The following GRIK1 variants were observed in gnomAD, a reference collection of about 807,000 sequenced individuals.
GRIK1 encodes the protein glutamate receptor ionotropic, kainate 1.
A neutral mutation model predicts 105.7 loss-of-function variants in GRIK1; 69 were observed. The observed-to-expected ratio is 0.65, with a 90% confidence interval of 0.54 to 0.80. The LOEUF is 0.80. GRIK1 is among the 30% of genes least tolerant of loss of function. The probability of loss-of-function intolerance (pLI) is 0.00; values close to 1 mark genes in which losing one functional copy is unlikely to be tolerated. For missense variants in GRIK1, 1,109 were observed against 1,167.3 expected (o/e 0.95, Z 0.73); for synonymous variants, 438 against 431.3 (o/e 1.02, Z -0.19).
chr21:29,737,300 G>A (rs549454915), intron 1 of GRIK1, among the ~76,000 whole-genome samples: 14 of 152,242 alleles, frequency 9.2e-5, no homozygotes, highest in African/African-American at 3.1e-4. Context: ...AGAGGATGGG[G>A]GAAGTTGTAG....
In GRIK1 at chr21:29,626,973, TTAC is replaced by T. The variant is rs1267487496; in HGVS notation, c.1098+15850_1098+15852del. ...GTTGTAAGAGGGCCTATTCCAACAC[TTAC>T]TACACAAATTCAAAGGGTAAAAAAT... On this transcript the variant is annotated intron_variant, in intron 7 of 17. Coordinates refer to ENST00000327783, the MANE Select transcript of GRIK1 (RefSeq NM_001330994.2). Among the ~76,000 whole-genome samples the T allele has an allele frequency of 8.5e-5, 13 of 152,146 alleles. 1 individual carries two copies. Among genetic ancestry groups the T allele is most frequent in the African/African-American group, 3.1e-4 (13 of 41,426 alleles).
chr21:29,854,903 A>G (rs2068418289), intron 1 of GRIK1, among the ~76,000 whole-genome samples: 1 of 152,192 alleles, frequency 6.6e-6, no homozygotes, highest in Non-Finnish European at 1.5e-5. Context: ...TGAAGTTGCG[A>G]ATGGTTTAGT....
chr21:29,617,981 T>C (rs1315200674), intron 7 of GRIK1, among the ~76,000 whole-genome samples: 2 of 152,244 alleles, frequency 1.3e-5, no homozygotes, highest in Non-Finnish European at 2.9e-5. Flanking sequence ...CTACTTATTC[T>C]CATTAATCTC....
At chr21:29,826,138 G>A (rs781601226) in intron 1 of GRIK1, among the ~76,000 whole-genome samples, 2 of 152,058 alleles carry the variant, frequency 1.3e-5, no homozygotes, top group African/African-American at 2.4e-5. Context: ...CCTGGGTGAC[G>A]ATCTGTATAT....
At position 29,939,396 on chromosome 21, in the gene GRIK1, T is replaced by A. The variant is rs765056189; in HGVS notation, c.105A>T (p.Gln35His). The A allele has an allele frequency of 1.9e-5, 30 of 1,544,190 alleles. No homozygotes were observed. The highest frequency in any genetic ancestry group is 2.5e-5 in the Non-Finnish European group (29 of 1,138,022). ...LCYILPQTAP[Q>H]VLRIGGIFET... ...GGGCTCACTCACCGATCCTGAGTACTTGCGGGGCGGTCTGAGGGAGGATAT... is the reference window on the plus strand; with the variant it reads ...GGGCTCACTCACCGATCCTGAGTACATGCGGGGCGGTCTGAGGGAGGATAT... Residue 35 changes from glutamine (Q) to histidine (H), a missense_variant, in exon 1 of 18, where the codon CAA (glutamine) becomes CAT (histidine). Physicochemically the swap from Gln to His is conservative, Grantham distance 24. This residue lies in a region of GRIK1 where 612 missense variants were observed against 586.0 expected (regional missense o/e 1.04). Transcript: ENST00000327783.
At chr21:29,609,777 G>A (rs1447371539) in intron 7 of GRIK1, among the ~76,000 whole-genome samples, 1 of 151,906 alleles carries the variant, frequency 6.6e-6, no homozygotes, top group Non-Finnish European at 1.5e-5. Context: ...TGCTTTTCTG[G>A]GTCTCCAGTT....
At chr21:29,900,790 A>G (rs1397496669) in intron 1 of GRIK1, among the ~76,000 whole-genome samples, 2 of 152,180 alleles carry the variant, frequency 1.3e-5, no homozygotes, top group African/African-American at 4.8e-5. Context: ...AAGCAGACCT[A>G]ATAGACATCT....
At position 29,737,836 on chromosome 21, in the gene GRIK1, A is replaced by G. The variant is rs1293776938; in HGVS notation, c.119-43773T>C. Among the ~76,000 whole-genome samples, 4 of 152,250 alleles carry G rather than the reference A, an allele frequency of 2.6e-5. No homozygotes were observed. In the East Asian group the frequency reaches 7.7e-4, roughly 29 times the overall value. On this transcript the variant is annotated intron_variant, in intron 1 of 17. Coordinates refer to ENST00000327783, the MANE Select transcript of GRIK1 (RefSeq NM_001330994.2). The stretch of plus-strand genomic sequence containing the variant: ...ACAAATATTCCTGTCAGATGCGATC[A>G]CCATCTGAGACACAAGTCTGGGAAG...
intron 1 of GRIK1, among the ~76,000 whole-genome samples, chr21:29,870,521 T>G (rs1412918392): frequency 6.6e-6 from 1 of 151,258 alleles, no homozygotes; most frequent in Non-Finnish European, 1.5e-5. Context: ...TTATAAATAA[T>G]ACATATAACA....
chr21:29,915,186 ACACACACAC>A (rs2070952946), intron 1 of GRIK1, among the ~76,000 whole-genome samples: 1 of 151,004 alleles, frequency 6.6e-6, no homozygotes, highest in Admixed American at 6.6e-5. Flanking sequence ...GAATCCAGAC[ACACACACAC>A]ACACACACAA....
At position 29,587,305 on chromosome 21, in the gene GRIK1, G is replaced by A. The variant is rs183513565; in HGVS notation, c.1793+61C>T. ...GTTCCTAATTTTTGTCTGCCTCTGG[G>A]ACATACAGAAATCTGAGACTGACCT... is the stretch of plus-strand genomic sequence containing the variant. On this transcript the variant is annotated intron_variant, in intron 12 of 17. Coordinates refer to ENST00000327783, the MANE Select transcript of GRIK1 (RefSeq NM_001330994.2). 6 of 1,039,516 alleles carry A rather than the reference G, an allele frequency of 5.8e-6. No individual in the cohort carries two copies. The East Asian group carries it at 1.2e-4, about 21-fold the overall frequency. 64.4% of individuals were successfully genotyped at this position (1,039,516 alleles called of 1,614,324 possible). A position where few individuals can be genotyped will look rare whatever the true frequency, so the allele number is the denominator to read the frequency against.
At chr21:29,584,766 A>T (rs2091094851) in intron 12 of GRIK1, among the ~76,000 whole-genome samples, 1 of 152,162 alleles carries the variant, frequency 6.6e-6, no homozygotes. Flanking sequence ...CCACTTCCCT[A>T]ACTTGGAATG....
chr21:29,798,889 G>T (rs1317118439), intron 1 of GRIK1, among the ~76,000 whole-genome samples: 1 of 152,190 alleles, frequency 6.6e-6, no homozygotes, highest in Admixed American at 6.5e-5. Context: ...TGGTTGGTTT[G>T]GTTAGATGCT....
chr21:29,801,130 G>A (rs760557074), intron 1 of GRIK1, among the ~76,000 whole-genome samples: 3 of 152,040 alleles, frequency 2.0e-5, no homozygotes, highest in Non-Finnish European at 4.4e-5. Context: ...GGACAGAAAT[G>A]AGCTTAGAGC....
At chr21:29,881,615 A>C (rs1347406186) in intron 1 of GRIK1, among the ~76,000 whole-genome samples, 1 of 152,086 alleles carries the variant, frequency 6.6e-6, no homozygotes, top group Non-Finnish European at 1.5e-5. Flanking sequence ...CCAATGTCTA[A>C]AGTGGTTAAG....
Position 29,673,011 on chromosome 21 carries a change from T to G in GRIK1, c.698A>C (p.His233Pro), listed in dbSNP as rs371531316. The G allele has an allele frequency of 5.1e-5, 82 of 1,613,248 alleles. No homozygotes were observed. Among genetic ancestry groups the G allele is most frequent in the Non-Finnish European group, 6.6e-5 (78 of 1,179,510 alleles). ...KEFYVIFDCS[H>P]ETAAEILKQI... The stretch of plus-strand genomic sequence containing the variant: ...CTTAAGGATTTCAGCGGCTGTTTCA[T>G]GTGAACAATCAAATATCACATAGAA... The change falls in exon 4 of 18, where the codon CAT becomes CCT. Residue 233 changes from histidine to proline, a missense_variant. His to Pro is a moderately conservative substitution (Grantham distance 77). Coordinates refer to ENST00000327783, the MANE Select transcript of GRIK1 (RefSeq NM_001330994.2).
At chr21:29,782,286 C>T (rs892950408) in intron 1 of GRIK1, among the ~76,000 whole-genome samples, 3 of 151,884 alleles carry the variant, frequency 2.0e-5, no homozygotes, top group Non-Finnish European at 2.9e-5. Flanking sequence ...CAGGGTTTCA[C>T]CGTGTTAGCC....
chr21:29,688,780 C>T (rs960809104), intron 3 of GRIK1, among the ~76,000 whole-genome samples: 5 of 151,982 alleles, frequency 3.3e-5, no homozygotes, highest in Non-Finnish European at 4.4e-5. Context: ...AATTTGCGTG[C>T]GGTCGTGGAG....
At chr21:29,742,847 C>T (rs2064962950) in intron 1 of GRIK1, among the ~76,000 whole-genome samples, 1 of 152,168 alleles carries the variant, frequency 6.6e-6, no homozygotes, top group Non-Finnish European at 1.5e-5. Flanking sequence ...TTAAAAAGAA[C>T]ATTTTTTTCT....
Sources: allele counts gnomAD v4.1 joint callset (sites outside exome capture counted in the v4.1 genomes callset), GRCh38; gene constraint gnomAD v4.1.1; regional missense constraint gnomAD v4.1.1; transcripts MANE v1.5; gene names NCBI Gene and HGNC (gene_info 2026-07-23, HGNC 2026-07-21).